SLC24A5: variants seen among roughly 807,000 people sequenced by gnomAD.
SLC24A5 encodes solute carrier family 24 member 5.
SLC24A5 carries 46 observed loss-of-function variants against 51.6 expected under a neutral mutation model. The ratio of observed to expected loss-of-function variants is 0.89; its 90% CI spans 0.70 to 1.14. The LOEUF (loss-of-function observed/expected upper bound fraction) is 1.14, where lower values mean the gene tolerates loss of function less well. Among genes scored for constraint, SLC24A5 ranks in the 50% most tolerant of loss-of-function variants. The pLI is 0.00. For synonymous variants in SLC24A5, 230 were observed against 214.9 expected (o/e 1.07, Z -0.62); for missense variants, 581 against 604.1 (o/e 0.96, Z 0.40).
intron 2 of SLC24A5, among the ~76,000 whole-genome samples, chr15:48,131,514 A>T (rs2038789835): frequency 6.6e-6 from 1 of 151,796 alleles, no homozygotes; most frequent in South Asian, 2.1e-4. Flanking sequence ...AGAGCCTGGC[A>T]CCACCCACCT....
chr15:48,127,847 A>G (rs1404540261), intron 2 of SLC24A5, among the ~76,000 whole-genome samples: 2 of 152,126 alleles, frequency 1.3e-5, no homozygotes, highest in South Asian at 2.1e-4. Context: ...AATAAAAATT[A>G]AAATTAAAAA....
At chr15:48,140,552 A>AT (rs1457635846) in intron 7 of SLC24A5, 1 of 151,904 alleles carries the variant, frequency 6.6e-6, no homozygotes, top group African/African-American at 2.4e-5. Context: ...AATTGGGACC[A>AT]TATGTTAGAC....
intron 5 of SLC24A5, chr15:48,135,558 A>T (rs577579708): frequency 6.5e-6 from 1 of 152,706 alleles, no homozygotes; most frequent in Non-Finnish European, 1.5e-5. Flanking sequence ...GTGGTGACTG[A>T]GTGGACAGAT....
rs1369903555 is a variant in SLC24A5 at position 48,136,732 on chromosome 15, C to T, written c.640C>T (p.Leu214=). 1 of 1,613,142 alleles carries T rather than the reference C, an allele frequency of 6.2e-7. No homozygotes were observed. The highest frequency in any genetic ancestry group is 2.2e-5 in the East Asian group (1 of 44,872). Reference sequence around the variant, plus strand: ...GATATATGGATTGTATGTTTTGGTGCTGTGTTTTGACATTAAAATTAACCA... The same window carrying T: ...GATATATGGATTGTATGTTTTGGTGTTGTGTTTTGACATTAAAATTAACCA... The part of the protein sequence containing the change: ...LLIYGLYVLV[L]CFDIKINQYI... The change falls in exon 6 of 9, where the codon CTG becomes TTG. Residue 214 remains leucine (L), a synonymous_variant. Coordinates refer to ENST00000341459, the MANE Select transcript of SLC24A5 (RefSeq NM_205850.3).
intron 2 of SLC24A5, among the ~76,000 whole-genome samples, chr15:48,132,137 A>C (rs1230108652): frequency 2.0e-5 from 3 of 152,140 alleles, no homozygotes; most frequent in Admixed American, 6.6e-5. Flanking sequence ...CATTCTAGAC[A>C]TGCAGGTCTT....
At position 48,141,097 on chromosome 15, in the gene SLC24A5, T is replaced by C. The variant is rs752761267; in HGVS notation, c.1079-16T>C. 3 of 1,584,802 alleles carry C rather than the reference T, an allele frequency of 1.9e-6. No individual in the cohort carries two copies. Among genetic ancestry groups the C allele is most frequent in the Non-Finnish European group, 2.6e-6 (3 of 1,156,030 alleles). The stretch of plus-strand genomic sequence containing the variant: ...AATCTTTAAGATTTGTAACTTGAAA[T>C]ATCTGTTTATTACAGGGGAAACACT... On this transcript the variant is annotated splice_polypyrimidine_tract_variant and intron_variant, in intron 7 of 8. Coordinates refer to ENST00000341459, the MANE Select transcript of SLC24A5 (RefSeq NM_205850.3).
chr15:48,139,299 C>G (rs2038983181), intron 7 of SLC24A5, 124 bp downstream of exon 7: 2 of 710,116 alleles, frequency 2.8e-6, no homozygotes, highest in Non-Finnish European at 4.7e-6. Flanking sequence ...AGATTAGTAC[C>G]ATTTACAAAA....
chr15:48,127,767 C>G lies in SLC24A5; in HGVS notation c.301+5731C>G, dbSNP rs1475123821. 2.0e-5 allele frequency among the ~76,000 whole-genome samples: 3 copies of G among 152,044 alleles called. No homozygotes were observed. In the East Asian group the frequency reaches 5.8e-4, roughly 29 times the overall value. On this transcript the variant is annotated intron_variant, in intron 2 of 8. Coordinates refer to ENST00000341459, the MANE Select transcript of SLC24A5 (RefSeq NM_205850.3). ...AAACCCGGGAGGCAGAGTTTGCAGT[C>G]AGCTGAGATCATGCCACTGCCCTCC... is the stretch of plus-strand genomic sequence containing the variant.
intron 2 of SLC24A5, among the ~76,000 whole-genome samples, chr15:48,131,046 A>ATT (rs2038784776): frequency 6.6e-6 from 1 of 152,062 alleles, no homozygotes; most frequent in Non-Finnish European, 1.5e-5. Flanking sequence ...CACCACTCAT[A>ATT]TTTCATGATA....
chr15:48,141,185 C>T lies in SLC24A5; in HGVS notation c.1151C>T (p.Thr384Ile), dbSNP rs750277673. The stretch of plus-strand genomic sequence containing the variant: ...GCAGCAGGAACAAGCATACCAGACA[C>T]AATTGCAAGTGTGTTGGTTGCAAGA... ...LLAAGTSIPDTIASVLVARKG... is the reference protein window; with the variant it reads ...LLAAGTSIPDIIASVLVARKG... Residue 384 changes from threonine to isoleucine, a missense_variant, in exon 8 of 9, where the codon ACA becomes ATA. Transcript: ENST00000341459. 6.8e-6 allele frequency: 11 copies of T among 1,613,736 alleles called. No homozygotes were observed. Among genetic ancestry groups the T allele is most frequent in the Non-Finnish European group, 9.3e-6 (11 of 1,179,798 alleles).
intron 7 of SLC24A5, 49 bp from the exon 8 acceptor site, chr15:48,141,064 G>T: frequency 7.0e-7 from 1 of 1,423,028 alleles, no homozygotes; most frequent in Non-Finnish European, 9.9e-7. Context: ...TGCAAAGGAT[G>T]GTTAGTGAAT....
chr15:48,141,080 A>C lies in SLC24A5; in HGVS notation c.1079-33A>C, dbSNP rs541222086. ...GCAAAGGATGGTTAGTGAATCTTTA[A>C]GATTTGTAACTTGAAATATCTGTTT... is the stretch of plus-strand genomic sequence containing the variant. On this transcript the variant is annotated intron_variant, in intron 7 of 8. Transcript: ENST00000341459. 9 of 1,541,326 alleles carry C rather than the reference A, an allele frequency of 5.8e-6. No individual in the cohort carries two copies. The East Asian group carries it at 1.8e-4, about 31-fold the overall frequency.
chr15:48,124,654 T>C (rs2038712801), intron 2 of SLC24A5: 1 of 152,288 alleles, frequency 6.6e-6, no homozygotes, highest in South Asian at 2.1e-4. Context: ...ACTACTGCAT[T>C]AAAATTTAGA....
chr15:48,125,896 C>T lies in SLC24A5; in HGVS notation c.301+3860C>T, dbSNP rs940705269. ...GAAGGATTGGCAGGCCCCTGTCCCA[C>T]CCCAGCCCCACTCACTCCTCAAATC... On this transcript the variant is annotated intron_variant, in intron 2 of 8. Transcript: ENST00000341459. Among the ~76,000 whole-genome samples, 18 of 152,202 alleles carry T rather than the reference C, an allele frequency of 1.2e-4. No individual in the cohort carries two copies. The East Asian group carries it at 3.5e-3, about 30-fold the overall frequency.
At chr15:48,135,111 G>C in intron 5 of SLC24A5, 127 bp downstream of exon 5, 1 of 656,574 alleles carries the variant, frequency 1.5e-6, no homozygotes, top group South Asian at 2.2e-5. Context: ...ATTCCAACAG[G>C]TCTGTGAGTT....
At chr15:48,129,465 G>C (rs2038767143) in intron 2 of SLC24A5, among the ~76,000 whole-genome samples, 2 of 152,126 alleles carry the variant, frequency 1.3e-5, no homozygotes, top group African/African-American at 4.8e-5. Context: ...GGTCACTAGA[G>C]TTGGGTCTGA....
chr15:48,132,885 G>T (rs191777641), intron 2 of SLC24A5, among the ~76,000 whole-genome samples: 1 of 152,102 alleles, frequency 6.6e-6, no homozygotes, highest in Non-Finnish European at 1.5e-5. Context: ...TAAGGAAGTC[G>T]TATCACCTTT....
chr15:48,140,956 T>C (rs979248637), intron 7 of SLC24A5, 157 bp from the exon 8 acceptor site: 1 of 533,502 alleles, frequency 1.9e-6, no homozygotes, highest in Non-Finnish European at 3.3e-6. Context: ...GATTCAAATA[T>C]GTTGCTAGCT....
chr15:48,134,422 A>G lies in SLC24A5; in HGVS notation c.386-13A>G, dbSNP rs757442414. The G allele has an allele frequency of 1.2e-6, 2 of 1,610,772 alleles. No homozygotes were observed. Among genetic ancestry groups the G allele is most frequent in the East Asian group, 4.5e-5 (2 of 44,852 alleles). On this transcript the variant is annotated splice_polypyrimidine_tract_variant and intron_variant, in intron 3 of 8. Coordinates refer to ENST00000341459, the MANE Select transcript of SLC24A5 (RefSeq NM_205850.3). Reference sequence around the variant, plus strand: ...AGTTAACACTAACTTAGCTGGTACTATCTTGCACATAGGTGTATTTATCAC... The same window carrying G: ...AGTTAACACTAACTTAGCTGGTACTGTCTTGCACATAGGTGTATTTATCAC...
Sources: gnomAD v4.1 joint callset for allele counts (sites outside exome capture counted in the v4.1 genomes callset) on GRCh38, gnomAD v4.1.1 for gene constraint, MANE v1.5 for transcripts, NCBI Gene and HGNC (gene_info 2026-07-23, HGNC 2026-07-21) for gene names.